Variants in RET observed in about 807,000 individuals in gnomAD.
The protein encoded by RET is ret proto-oncogene.
Under a neutral mutation model 118.3 loss-of-function variants are expected in RET, and 19 were observed. The ratio of observed to expected loss-of-function variants is 0.16; its 90% confidence interval spans 0.11 to 0.24. The LOEUF (loss-of-function observed/expected upper bound fraction) is 0.24. Among genes scored for constraint, RET ranks in the 10% least tolerant of loss-of-function variants. The pLI is 1.00. For synonymous variants in RET, 597 were observed against 644.1 expected (o/e 0.93, Z 1.11); for missense variants, 1,219 against 1,502.1 (o/e 0.81, Z 3.12).
chr10:43,127,939 C>T (rs899572111), intron 19 of RET, among the ~76,000 whole-genome samples, 173 bp from the exon 20 acceptor site: 3 of 152,132 alleles, frequency 2.0e-5, no homozygotes, highest in Non-Finnish European at 4.4e-5. Flanking sequence ...CATGATATTT[C>T]CCCTAACTAT....
intron 4 of RET, 139 bp downstream of exon 4, chr10:43,105,332 G>A: frequency 7.5e-7 from 1 of 1,340,326 alleles, no homozygotes. Context: ...GCCTCCGTCT[G>A]CGCCGTCTGT....
Position 43,106,844 on chromosome 10 carries a change from A to G in RET, c.1063+273A>G, listed in dbSNP as rs1481572789. On this transcript the variant is annotated intron_variant, in intron 5 of 19. Coordinates refer to ENST00000355710, the MANE Select transcript of RET (RefSeq NM_020975.6). This position sits in a 1 kb window ranked among gnomAD's most constrained non-coding sequence, Gnocchi z 5.1. ...ACCACACCCCCCTGCTGACCTCACCAGGGCTCACCACCGACTGCAAACACA... is the reference window on the plus strand; with the variant it reads ...ACCACACCCCCCTGCTGACCTCACCGGGGCTCACCACCGACTGCAAACACA... Among the ~76,000 whole-genome samples the G allele has an allele frequency of 6.6e-6, 1 of 152,086 alleles. No individual in the cohort carries two copies. The highest frequency in any genetic ancestry group is 2.4e-5 in the African/African-American group (1 of 41,408).
intron 1 of RET, among the ~76,000 whole-genome samples, chr10:43,097,084 G>A (rs1379678724): frequency 2.6e-5 from 4 of 152,198 alleles, no homozygotes; most frequent in East Asian, 1.9e-4. Context: ...GGCCCCCCAC[G>A]ATCCTGTAGG....
chr10:43,088,875 C>G (rs1837351121), intron 1 of RET, among the ~76,000 whole-genome samples: 1 of 152,202 alleles, frequency 6.6e-6, no homozygotes, highest in Admixed American at 6.5e-5. Context: ...CACCTCCGGC[C>G]CTGTGCTGTT....
intron 3 of RET, among the ~76,000 whole-genome samples, chr10:43,104,234 C>T (rs1466666950): frequency 6.6e-6 from 1 of 151,690 alleles, no homozygotes; most frequent in African/African-American, 2.4e-5. Context: ...GTGGTAGAAT[C>T]GTGGCTTTCT....
At chr10:43,100,084 A>G (rs1385112537) in intron 1 of RET, among the ~76,000 whole-genome samples, 1 of 152,194 alleles carries the variant, frequency 6.6e-6, no homozygotes, top group East Asian at 1.9e-4. Flanking sequence ...ACTTTCCTGT[A>G]AAGTGCTTTC....
At chr10:43,113,101 A>T (rs566977684) in intron 9 of RET, 138 bp downstream of exon 9, 1 of 767,876 alleles carries the variant, frequency 1.3e-6, no homozygotes, top group Admixed American at 2.0e-5. Flanking sequence ...TTTCAGCATC[A>T]CCCTAGCCAT....
chr10:43,118,622 G>A, intron 13 of RET, 142 bp downstream of exon 13: 1 of 741,896 alleles, frequency 1.3e-6, no homozygotes, highest in East Asian at 2.7e-5. Flanking sequence ...CCTGGCTCAG[G>A]CCCCAGCCTG....
At chr10:43,091,303 C>G (rs1282507219) in intron 1 of RET, among the ~76,000 whole-genome samples, 1 of 152,060 alleles carries the variant, frequency 6.6e-6, no homozygotes, top group Non-Finnish European at 1.5e-5. Context: ...TCCTCACACT[C>G]AACAACAGCA....
intron 18 of RET, 52 bp downstream of exon 18, chr10:43,125,034 C>G (rs1394538998): frequency 6.6e-6 from 10 of 1,519,024 alleles, no homozygotes; most frequent in Non-Finnish European, 9.1e-6. Context: ...GGGGAGACTC[C>G]AGCCTCACCC....
In RET at chr10:43,112,932, A is replaced by G. The variant is rs1837975403; in HGVS notation, c.1728A>G (p.Gln576=). 3 of 1,614,018 alleles carry G rather than the reference A, an allele frequency of 1.9e-6. No individual in the cohort carries two copies. ...GCCACTGCGATGTTGTGGAGACCCA[A>G]GACATCAACATTTGCCCTCAGGACT... The part of the protein sequence containing the change: ...PDGHCDVVET[Q]DINICPQDCL... The change falls in exon 9 of 20, where the codon CAA becomes CAG. Residue 576 remains glutamine (Q), a synonymous_variant. Coordinates refer to ENST00000355710, the MANE Select transcript of RET (RefSeq NM_020975.6).
Position 43,128,496 on chromosome 10 carries a change from C to T in RET, c.*227C>T. On this transcript the variant is annotated 3_prime_UTR_variant, in exon 20 of 20. Transcript: ENST00000355710. ...GCCACACCGGGTAAGAGCTCTGAGT[C>T]TTAGTGGTTAAGCATTCCTTTCTCT... is the stretch of plus-strand genomic sequence containing the variant. 1 of 605,780 alleles carries T rather than the reference C, an allele frequency of 1.7e-6. No individual in the cohort carries two copies. The highest frequency in any genetic ancestry group is 3.0e-6 in the Non-Finnish European group (1 of 337,630). 37.5% of individuals were successfully genotyped at this position (605,780 alleles called of 1,614,324 possible).
intron 8 of RET, 104 bp from the exon 9 acceptor site, chr10:43,112,749 C>A (rs2132811276): frequency 2.3e-6 from 2 of 855,542 alleles, no homozygotes; most frequent in Non-Finnish European, 3.9e-6. Context: ...CCTACTCAGG[C>A]CTCCAGTTGC....
Position 43,130,061 on chromosome 10 carries a change from C to G in RET, c.*1792C>G, listed in dbSNP as rs1045245074. ...AAGAACTCCAGGTCTAAACAGCTGA[C>G]CCAGTGATGGGGAATTTATCCTTGA... is the stretch of plus-strand genomic sequence containing the variant. On this transcript the variant is annotated 3_prime_UTR_variant, in exon 20 of 20. Transcript: ENST00000355710. 1 of 398,648 alleles carries G rather than the reference C, an allele frequency of 2.5e-6. No homozygotes were observed. The highest frequency in any genetic ancestry group is 4.4e-6 in the Non-Finnish European group (1 of 226,054). The allele number at this position is 398,648 out of a possible 1,614,324, so 24.7% of individuals were successfully genotyped here.
chr10:43,099,077 C>T (rs190273945), intron 1 of RET, among the ~76,000 whole-genome samples: 16 of 152,326 alleles, frequency 1.1e-4, no homozygotes, highest in African/African-American at 3.4e-4. Flanking sequence ...TGGCCACACA[C>T]AGTCAGCAGC....
At chr10:43,105,751 C>G (rs1837758528) in intron 4 of RET, among the ~76,000 whole-genome samples, 2 of 152,244 alleles carry the variant, frequency 1.3e-5, no homozygotes, top group South Asian at 2.1e-4. Flanking sequence ...TTGCCTTGTT[C>G]CGCTTCTCTG....
chr10:43,119,435 G>A, intron 13 of RET, 96 bp from the exon 14 acceptor site: 1 of 996,302 alleles, frequency 1.0e-6, no homozygotes, highest in East Asian at 2.6e-5. Context: ...TCATTGGGTG[G>A]CCGGGCCTGG....
chr10:43,100,715 T>G lies in RET; in HGVS notation c.330T>G (p.Ser110Arg), dbSNP rs1264565618. ...ACCATAGCTCCTGGGAGAAGCTCAG[T>G]GTCCGCAGTAAGGGAGCCGCCCCAA... Reference protein sequence around the residue: ...SLDHSSWEKLSVRNRGFPLLT... With the variant: ...SLDHSSWEKLRVRNRGFPLLT... The change falls in exon 2 of 20, where the codon AGT (serine) becomes AGG (arginine). Residue 110 changes from serine (S) to arginine (R), a missense_variant. By Grantham distance (110) the Ser-to-Arg change is moderately radical. Transcript: ENST00000355710. 6.3e-7 allele frequency: 1 copy of G among 1,599,222 alleles called. No individual in the cohort carries two copies. Among genetic ancestry groups the G allele is most frequent in the Non-Finnish European group, 8.5e-7 (1 of 1,173,376 alleles).
chr10:43,120,800 T>C (rs1838198369), intron 15 of RET, among the ~76,000 whole-genome samples: 1 of 152,140 alleles, frequency 6.6e-6, no homozygotes, highest in South Asian at 2.1e-4. Flanking sequence ...ACAACTGCCT[T>C]GGCCCTCTTA....
Sources: allele counts gnomAD v4.1 joint callset (sites outside exome capture counted in the v4.1 genomes callset), GRCh38; gene constraint gnomAD v4.1.1; non-coding constraint Gnocchi (gnomAD v3.1); transcripts MANE v1.5; gene names NCBI Gene and HGNC (gene_info 2026-07-23, HGNC 2026-07-21).